Variants in DCUN1D4 observed in about 807,000 individuals in gnomAD.
DCUN1D4 encodes DCN1-like protein 4.
In DCUN1D4, 22 loss-of-function variants were observed where a neutral mutation model predicts 47.9. That is an observed-to-expected ratio of 0.46 (90% CI 0.33 to 0.66). The LOEUF (loss-of-function observed/expected upper bound fraction) is 0.66, where lower values mean the gene tolerates loss of function less well. Ranked by LOEUF, DCUN1D4 falls within the 30% of genes least tolerant of loss-of-function variation. The probability of loss-of-function intolerance (pLI) is 0.02; values close to 1 mark genes in which losing one functional copy is unlikely to be tolerated. For synonymous variants in DCUN1D4, 121 were observed against 112.2 expected (o/e 1.08, Z -0.50); for missense variants, 301 against 340.8 (o/e 0.88, Z 0.92).
chr4:51,833,894 T>C, the DCUN1D4 span, among the ~76,000 whole-genome samples: 1 of 151,962 alleles, frequency 6.6e-6, no homozygotes, highest in Non-Finnish European at 1.5e-5. Context: ...CAAGGAAGGC[T>C]TAATGGAGGT....
At chr4:51,883,764 T>C (rs1378576794) in intron 5 of DCUN1D4, among the ~76,000 whole-genome samples, 2 of 152,192 alleles carry the variant, frequency 1.3e-5, no homozygotes, top group East Asian at 3.8e-4. Context: ...TACAATTCTA[T>C]AGATGGCTTA....
chr4:51,852,964 C>G (rs1392486017), intron 1 of DCUN1D4, among the ~76,000 whole-genome samples: 1 of 152,164 alleles, frequency 6.6e-6, no homozygotes, highest in African/African-American at 2.4e-5. Context: ...TTACTGTGAA[C>G]TACCCAGTGA....
chr4:51,834,084 C>CTCTCTT, the DCUN1D4 span, among the ~76,000 whole-genome samples: 38 of 44,972 alleles, frequency 8.4e-4, no homozygotes, highest in African/African-American at 4.7e-3. Context: ...CTCTCTCTCT[C>CTCTCTT]TCTTTTCTTT....
At chr4:51,853,993 T>G (rs895826071) in intron 1 of DCUN1D4, among the ~76,000 whole-genome samples, 21 of 152,234 alleles carry the variant, frequency 1.4e-4, no homozygotes, top group African/African-American at 5.1e-4. Context: ...AGGCAGGCAC[T>G]GTGATTATCC....
At chr4:51,903,788 T>G (rs1732466550) in intron 8 of DCUN1D4, among the ~76,000 whole-genome samples, 1 of 152,196 alleles carries the variant, frequency 6.6e-6, no homozygotes, top group Non-Finnish European at 1.5e-5. Flanking sequence ...CCAGTATATT[T>G]TTCATTTCAG....
At chr4:51,891,163 T>C (rs1196152713) in intron 6 of DCUN1D4, among the ~76,000 whole-genome samples, 1 of 152,270 alleles carries the variant, frequency 6.6e-6, no homozygotes, top group Admixed American at 6.5e-5. Context: ...CACCTTGTTA[T>C]GTTTTAATAC....
chr4:51,877,514 T>A (rs1344922254), intron 4 of DCUN1D4: 2 of 295,666 alleles, frequency 6.8e-6, no homozygotes, highest in Non-Finnish European at 1.3e-5. Flanking sequence ...TCTGTTCAGT[T>A]CTTACTGATT....
intron 8 of DCUN1D4, among the ~76,000 whole-genome samples, chr4:51,900,161 C>T (rs1342298210): frequency 1.3e-5 from 2 of 152,046 alleles, no homozygotes; most frequent in Non-Finnish European, 2.9e-5. Context: ...GCAGAGAACT[C>T]GGTGACAATT....
intron 1 of DCUN1D4, chr4:51,848,279 CAGA>C (rs1421436172): frequency 7.8e-7 from 1 of 1,289,222 alleles, no homozygotes; most frequent in Non-Finnish European, 1.0e-6. Context: ...GCTGAGGGAA[CAGA>C]AGGAGTGTTT....
At chr4:51,861,222 G>A (rs1223881336) in intron 1 of DCUN1D4, among the ~76,000 whole-genome samples, 1 of 152,138 alleles carries the variant, frequency 6.6e-6, no homozygotes, top group Non-Finnish European at 1.5e-5. Context: ...AGGTTGTGAA[G>A]CAAAGTGGAT....
intron 8 of DCUN1D4, among the ~76,000 whole-genome samples, chr4:51,910,591 AG>A (rs1733576205): frequency 6.6e-6 from 1 of 152,174 alleles, no homozygotes; most frequent in Non-Finnish European, 1.5e-5. Flanking sequence ...TTTAGGTTCA[AG>A]AAAAATATTT....
chr4:51,879,587 A>T (rs1387912471), intron 5 of DCUN1D4, among the ~76,000 whole-genome samples: 1 of 152,264 alleles, frequency 6.6e-6, no homozygotes, highest in South Asian at 2.1e-4. Flanking sequence ...AGCCTGGGCG[A>T]CAGAGCAAGA....
rs1323993344 is a variant in DCUN1D4 at position 51,891,822 on chromosome 4, G to A, written c.477G>A (p.Gln159=). The A allele has an allele frequency of 1.2e-6, 2 of 1,612,432 alleles. No homozygotes were observed. Among genetic ancestry groups the A allele is most frequent in the African/African-American group, 1.3e-5 (1 of 74,748 alleles). Residue 159 remains glutamine, a synonymous_variant, in exon 7 of 11, where the codon CAG becomes CAA. Transcript: ENST00000334635. The part of the protein sequence containing the change: ...DAQNMGYFTL[Q]EWLKGMTSLQ... The stretch of plus-strand genomic sequence containing the variant: ...AAAACATGGGTTATTTTACTCTACA[G>A]GAGTGGTTAAAAGGAATGACTTCTC...
chr4:51,913,482 A>ATTG (rs1200734799), intron 10 of DCUN1D4, 47 bp from the exon 11 acceptor site: 2 of 1,533,008 alleles, frequency 1.3e-6, no homozygotes, highest in Admixed American at 1.7e-5. Flanking sequence ...TATTATTATT[A>ATTG]TTGTTATTAT....
chr4:51,911,023 A>T (rs1457683120), intron 8 of DCUN1D4, 47 bp from the exon 9 acceptor site: 1 of 1,558,394 alleles, frequency 6.4e-7, no homozygotes, highest in Non-Finnish European at 8.8e-7. Flanking sequence ...ATTGGAATTT[A>T]TTATTTGGGG....
intron 8 of DCUN1D4, among the ~76,000 whole-genome samples, chr4:51,905,960 TAGG>T (rs1163620430): frequency 6.6e-6 from 1 of 151,862 alleles, no homozygotes; most frequent in Non-Finnish European, 1.5e-5. Flanking sequence ...GAAACAAAGT[TAGG>T]AGAAACTGCT....
intron 9 of DCUN1D4, among the ~76,000 whole-genome samples, chr4:51,912,877 A>G (rs1421757159): frequency 6.6e-6 from 1 of 152,124 alleles, no homozygotes; most frequent in Admixed American, 6.5e-5. Flanking sequence ...AATGGGAGCT[A>G]CTCTTTATTT....
intron 1 of DCUN1D4, among the ~76,000 whole-genome samples, chr4:51,858,069 G>C (rs1209537863): frequency 1.3e-5 from 2 of 152,186 alleles, no homozygotes; most frequent in African/African-American, 4.8e-5. Flanking sequence ...TAAGATGATA[G>C]AGTGAAGATG....
rs1314813030 is a variant in DCUN1D4, at chr4:51,877,746, G to A, written c.252-17G>A. 1.9e-6 allele frequency: 3 copies of A among 1,545,280 alleles called. No homozygotes were observed. The highest frequency in any genetic ancestry group is 2.7e-6 in the Non-Finnish European group (3 of 1,127,842). On this transcript the variant is annotated splice_polypyrimidine_tract_variant and intron_variant, in intron 4 of 10. Transcript: ENST00000334635. ...CAGTATCTTTAAATAACTTAAAACTGCCTTTTCAATTTCCAGCATGTATAG... is the reference window on the plus strand; with the variant it reads ...CAGTATCTTTAAATAACTTAAAACTACCTTTTCAATTTCCAGCATGTATAG...
Sources: allele counts gnomAD v4.1 joint callset (sites outside exome capture counted in the v4.1 genomes callset), GRCh38; gene constraint gnomAD v4.1.1; transcripts MANE v1.5; gene names NCBI Gene and HGNC (gene_info 2026-07-23, HGNC 2026-07-21).